The following LRRC1 variants were observed in gnomAD, a reference collection of about 807,000 sequenced individuals.
LRRC1 encodes the protein leucine-rich repeat-containing protein 1.
LRRC1 carries 28 observed loss-of-function variants against 69.9 expected under a neutral mutation model. The observed-to-expected ratio is 0.40, with a 90% CI of 0.30 to 0.55. LRRC1 has a LOEUF of 0.55. LRRC1 is among the 20% of genes least tolerant of loss of function. The pLI is 0.47. For missense variants in LRRC1, 498 were observed against 609.0 expected, an observed-to-expected ratio of 0.82 and a Z score of 1.92; for synonymous variants, 236 against 240.2, an observed-to-expected ratio of 0.98 and a Z score of 0.16.
chr6:53,895,990 T>C (rs1360910954), intron 4 of LRRC1, among the ~76,000 whole-genome samples: 1 of 152,242 alleles, frequency 6.6e-6, no homozygotes, highest in Admixed American at 6.5e-5. Context: ...GAATTTATGA[T>C]CATAAGTAGA....
chr6:53,904,302 C>A, intron 9 of LRRC1, 77 bp from the exon 10 acceptor site: 1 of 834,032 alleles, frequency 1.2e-6, no homozygotes, highest in Non-Finnish European at 2.0e-6. Flanking sequence ...TTCTTTAGGT[C>A]CTTGCAAAGA....
chr6:53,805,744 T>G (rs866919718), intron 1 of LRRC1, among the ~76,000 whole-genome samples: 24 of 152,226 alleles, frequency 1.6e-4, no homozygotes, highest in African/African-American at 5.8e-4. Context: ...GTCTGATCAT[T>G]GTTATCAATA....
intron 2 of LRRC1, among the ~76,000 whole-genome samples, chr6:53,850,088 GTATT>G (rs1766079387): frequency 7.0e-6 from 1 of 142,536 alleles, no homozygotes; most frequent in African/African-American, 2.6e-5. Context: ...ACTTCAAGCA[GTATT>G]TATTGAGTAC....
chr6:53,916,500 A>C lies in LRRC1; in HGVS notation c.1106+2531A>C, dbSNP rs540672413. Among the ~76,000 whole-genome samples, 11 of 152,160 alleles carry C rather than the reference A, an allele frequency of 7.2e-5. No homozygotes were observed. In the South Asian group the frequency reaches 2.3e-3, roughly 32 times the overall value. ...GTGTTGAACAGTATATAGAGCTCTCATTTTGGTGGGGTTTTTTTCCTTAAA... is the reference window on the plus strand; with the variant it reads ...GTGTTGAACAGTATATAGAGCTCTCCTTTTGGTGGGGTTTTTTTCCTTAAA... On this transcript the variant is annotated intron_variant, in intron 11 of 13. Coordinates refer to ENST00000370888, the MANE Select transcript of LRRC1 (RefSeq NM_018214.5).
intron 1 of LRRC1, among the ~76,000 whole-genome samples, chr6:53,800,548 G>C (rs184707767): frequency 6.6e-6 from 1 of 151,838 alleles, no homozygotes; most frequent in Non-Finnish European, 1.5e-5. Flanking sequence ...CACCATGCCC[G>C]GCCAAAATAA....
At chr6:53,803,861 CT>C (rs1222499848) in intron 1 of LRRC1, among the ~76,000 whole-genome samples, 13 of 152,186 alleles carry the variant, frequency 8.5e-5, no homozygotes, top group Non-Finnish European at 1.8e-4. Context: ...CTCTGTCCAT[CT>C]GGCCACCATA....
intron 2 of LRRC1, among the ~76,000 whole-genome samples, chr6:53,846,502 G>A (rs4582388): frequency 0.46 from 69,188 of 151,986 alleles, 16,000 homozygotes; most frequent in Middle Eastern, 0.54. Flanking sequence ...CTTCTTTTGC[G>A]GAGTGGGACA....
At chr6:53,864,372 C>G (rs1022770259) in intron 2 of LRRC1, among the ~76,000 whole-genome samples, 1 of 152,128 alleles carries the variant, frequency 6.6e-6, no homozygotes, top group African/African-American at 2.4e-5. Context: ...GAACCTCAGG[C>G]TTTGTTTCTG....
chr6:53,903,156 TGGACGTTGGCCA>T (rs1768117474), intron 9 of LRRC1, among the ~76,000 whole-genome samples: 1 of 152,108 alleles, frequency 6.6e-6, no homozygotes, highest in African/African-American at 2.4e-5. Context: ...AGGAACGAGA[TGGACGTTGGCCA>T]GGAAAAGCCT....
intron 11 of LRRC1, chr6:53,919,297 A>C (rs1421876443): frequency 3.5e-6 from 1 of 281,776 alleles, no homozygotes; most frequent in Non-Finnish European, 6.3e-6. Context: ...GTGAGAGCAG[A>C]AAAGGGAAGC....
At chr6:53,900,000 C>A in intron 8 of LRRC1, 109 bp downstream of exon 8, 2 of 675,638 alleles carry the variant, frequency 3.0e-6, no homozygotes, top group Non-Finnish European at 4.7e-6. Context: ...GAGGATGTGG[C>A]TCCTTAAAGT....
At chr6:53,817,952 G>T (rs1474457857) in intron 1 of LRRC1, among the ~76,000 whole-genome samples, 1 of 152,070 alleles carries the variant, frequency 6.6e-6, no homozygotes, top group African/African-American at 2.4e-5. Flanking sequence ...CACTTTTTTT[G>T]AAATGTCTAC....
At position 53,795,211 on chromosome 6, in the gene LRRC1, G is replaced by T; in HGVS notation, c.-46G>T. On this transcript the variant is annotated 5_prime_UTR_variant, in exon 1 of 14. Transcript: ENST00000370888. ...GCCGGCCAGAGCGGGCTCGGAGCCC[G>T]GGTCTCCGCCGCTCGGGACCCGGCT... 1 of 1,538,784 alleles carries T rather than the reference G, an allele frequency of 6.5e-7. No individual in the cohort carries two copies.
chr6:53,921,278 G>T (rs1768734303), intron 13 of LRRC1, among the ~76,000 whole-genome samples: 1 of 152,146 alleles, frequency 6.6e-6, no homozygotes, highest in Admixed American at 6.5e-5. Flanking sequence ...TGTTATTGTT[G>T]TGTTGTCCTG....
At chr6:53,839,772 T>C (rs1765713608) in intron 1 of LRRC1, among the ~76,000 whole-genome samples, 1 of 152,186 alleles carries the variant, frequency 6.6e-6, no homozygotes, top group African/African-American at 2.4e-5. Context: ...AATTTTATAT[T>C]ATGATTATAT....
intron 4 of LRRC1, among the ~76,000 whole-genome samples, chr6:53,889,602 A>T (rs1040776444): frequency 3.3e-5 from 5 of 152,202 alleles, no homozygotes; most frequent in Non-Finnish European, 5.9e-5. Context: ...AAATCCATAG[A>T]GACAGAAATT....
chr6:53,876,908 C>T (rs192653849), intron 2 of LRRC1, among the ~76,000 whole-genome samples: 185 of 152,298 alleles, frequency 1.2e-3, no homozygotes, highest in Non-Finnish European at 1.7e-3. Context: ...TGGAGAATAA[C>T]GGCCCTCTTC....
In LRRC1 at chr6:53,853,889, G is replaced by A. The variant is rs749581993; in HGVS notation, c.277+11662G>A. 1.1e-3 allele frequency among the ~76,000 whole-genome samples: 169 copies of A among 152,258 alleles called. 1 individual carries two copies. Among genetic ancestry groups the A allele is most frequent in the African/African-American group, 3.9e-3 (160 of 41,540 alleles). On this transcript the variant is annotated intron_variant, in intron 2 of 13. Transcript: ENST00000370888. ...GATTACTGATGATGAAAATCATCCC[G>A]TGATCCTTTCTCAAGGTGTGGATAT...
chr6:53,821,879 G>GT (rs34507757), intron 1 of LRRC1, among the ~76,000 whole-genome samples: 2,325 of 143,402 alleles, frequency 0.016, 63 homozygotes, highest in African/African-American at 0.055. Flanking sequence ...AGTAATGCTA[G>GT]TTTTTTTTTT....
Sources: allele counts gnomAD v4.1 joint callset (sites outside exome capture counted in the v4.1 genomes callset), GRCh38; gene constraint gnomAD v4.1.1; transcripts MANE v1.5; gene names NCBI Gene and HGNC (gene_info 2026-07-23, HGNC 2026-07-21).